Variants in PRKN observed in about 807,000 individuals in gnomAD.
PRKN encodes parkin RBR E3 ubiquitin protein ligase, also known as E3 ubiquitin-protein ligase parkin.
Under a neutral mutation model 59.5 loss-of-function variants are expected in PRKN, and 56 were observed. The ratio of observed to expected loss-of-function variants is 0.94; its 90% CI spans 0.76 to 1.18. The LOEUF is 1.18. PRKN is among the 50% of genes most tolerant of loss of function. The probability of loss-of-function intolerance (pLI) is 0.00; values close to 1 mark genes in which losing one functional copy is unlikely to be tolerated. For synonymous variants in PRKN, 250 were observed against 222.1 expected (o/e 1.13, Z -1.12); for missense variants, 657 against 596.4 (o/e 1.10, Z -1.06).
At chr6:161,744,927 A>G (rs1788351943) in intron 7 of PRKN, among the ~76,000 whole-genome samples, 1 of 152,184 alleles carries the variant, frequency 6.6e-6, no homozygotes, top group Admixed American at 6.5e-5. Context: ...GAAGCACTCA[A>G]TTGTCTTAAA....
intron 1 of PRKN, among the ~76,000 whole-genome samples, chr6:162,707,940 C>G (rs532694969): frequency 9.5e-4 from 145 of 152,308 alleles, no homozygotes; most frequent in African/African-American, 3.4e-3. Context: ...GTCTCACACT[C>G]CTGGCCTCAA....
Position 162,044,312 on chromosome 6 carries a change from T to C in PRKN, c.618+9779A>G, listed in dbSNP as rs1441402443. ...CAGGAACGAACAAACGAAAAGGAAG[T>C]AATGCACCACCTCCTGTTTCTCAGC... is the stretch of plus-strand genomic sequence containing the variant. On this transcript the variant is annotated intron_variant, in intron 5 of 11. Transcript: ENST00000366898. Among the ~76,000 whole-genome samples the C allele has an allele frequency of 2.0e-5, 3 of 152,240 alleles. No homozygotes were observed. In the East Asian group the frequency reaches 5.8e-4, roughly 29 times the overall value.
chr6:161,681,523 T>C (rs1785363228), intron 7 of PRKN, among the ~76,000 whole-genome samples: 1 of 152,108 alleles, frequency 6.6e-6, no homozygotes, highest in Non-Finnish European at 1.5e-5. Context: ...TGGTTACAAG[T>C]AACAATAAAT....
At chr6:162,010,105 CTT>C (rs1285652054) in intron 5 of PRKN, among the ~76,000 whole-genome samples, 15 of 149,494 alleles carry the variant, frequency 1.0e-4, no homozygotes, top group Admixed American at 1.4e-4. Flanking sequence ...AACAATGTCT[CTT>C]GTTTGCCTTT....
chr6:162,237,975 C>T (rs75053241), intron 3 of PRKN, among the ~76,000 whole-genome samples: 1,560 of 152,206 alleles, frequency 0.01, 22 homozygotes, highest in African/African-American at 0.035. Context: ...TGGTAGGTTA[C>T]AAAGAAGCCA....
intron 4 of PRKN, among the ~76,000 whole-genome samples, chr6:162,198,123 T>A (rs2128329097): frequency 6.6e-6 from 1 of 152,134 alleles, no homozygotes; most frequent in African/African-American, 2.4e-5. Context: ...CAGAGAAGGG[T>A]CAATGATATG....
At chr6:162,091,347 T>G (rs1171299964) in intron 4 of PRKN, among the ~76,000 whole-genome samples, 1 of 152,180 alleles carries the variant, frequency 6.6e-6, no homozygotes, top group African/African-American at 2.4e-5. Flanking sequence ...AAATACAGTT[T>G]ACTAATAGAG....
At chr6:161,650,540 A>G (rs1227047897) in intron 7 of PRKN, among the ~76,000 whole-genome samples, 1 of 152,132 alleles carries the variant, frequency 6.6e-6, no homozygotes, top group Non-Finnish European at 1.5e-5. Flanking sequence ...AGAGAGAGAG[A>G]AGACAAACAG....
In PRKN at chr6:161,418,029, C is replaced by T. The variant is rs113777089; in HGVS notation, c.1084-31152G>A. On this transcript the variant is annotated intron_variant, in intron 9 of 11. Transcript: ENST00000366898. ...CATGGGGGGCCTGGCAGTATCACAG[C>T]GCAGGGCTCTCAGGCTGCCAGCAGA... is the stretch of plus-strand genomic sequence containing the variant. Among the ~76,000 whole-genome samples, 562 of 152,316 alleles carry T rather than the reference C, an allele frequency of 3.7e-3. 11 individuals carry two copies. Among genetic ancestry groups the T allele is most frequent in the African/African-American group, 0.013 (528 of 41,546 alleles).
At chr6:161,833,585 T>C (rs1049229805) in intron 6 of PRKN, among the ~76,000 whole-genome samples, 2 of 152,162 alleles carry the variant, frequency 1.3e-5, no homozygotes, top group Admixed American at 1.3e-4. Context: ...GAGCTCTCCC[T>C]CACAGCAGCC....
intron 1 of PRKN, among the ~76,000 whole-genome samples, chr6:162,601,763 C>T (rs911160830): frequency 2.0e-5 from 3 of 151,930 alleles, no homozygotes; most frequent in African/African-American, 7.3e-5. Context: ...AGGGTGAATG[C>T]TCAGAAAATA....
At chr6:161,622,305 AT>A (rs1410253066) in intron 7 of PRKN, among the ~76,000 whole-genome samples, 15 of 152,154 alleles carry the variant, frequency 9.9e-5, no homozygotes. Context: ...TTCCCATTCA[AT>A]TCCTGGGCAC....
intron 9 of PRKN, among the ~76,000 whole-genome samples, chr6:161,420,745 A>T (rs1370529338): frequency 2.6e-5 from 4 of 152,072 alleles, no homozygotes; most frequent in Non-Finnish European, 5.9e-5. Flanking sequence ...TCTGGGCTCC[A>T]GTGATTTCCC....
chr6:161,499,221 T>C lies in PRKN; in HGVS notation c.1083+49633A>G, dbSNP rs116612863. On this transcript the variant is annotated intron_variant, in intron 9 of 11. Transcript: ENST00000366898. This position sits in a 1 kb window ranked among gnomAD's most constrained non-coding sequence, Gnocchi z 4.2. ...GGAGATCAACGTAAAAGATGCATCC[T>C]AAACTTCCCTTGCTAAAGTGAAGAA... Among the ~76,000 whole-genome samples, 1,433 of 151,814 alleles carry C rather than the reference T, an allele frequency of 9.4e-3. 28 individuals carry two copies. Among genetic ancestry groups the C allele is most frequent in the African/African-American group, 0.033 (1,357 of 41,388 alleles).
At chr6:162,129,309 T>C (rs1781248379) in intron 4 of PRKN, among the ~76,000 whole-genome samples, 2 of 152,232 alleles carry the variant, frequency 1.3e-5, no homozygotes, top group African/African-American at 2.4e-5. Flanking sequence ...GAAAGTAACA[T>C]GAATACAGCT....
At chr6:161,734,530 C>T (rs892688580) in intron 7 of PRKN, among the ~76,000 whole-genome samples, 1 of 152,094 alleles carries the variant, frequency 6.6e-6, no homozygotes, top group Admixed American at 6.5e-5. Flanking sequence ...GGTACTCAGG[C>T]CTGGACTTGT....
At chr6:161,730,910 A>G (rs867434276) in intron 7 of PRKN, among the ~76,000 whole-genome samples, 9 of 120,382 alleles carry the variant, frequency 7.5e-5, no homozygotes, top group Non-Finnish European at 1.1e-4. Context: ...GCATTCTTTC[A>G]GATATGTTGC....
At chr6:162,057,955 T>C (rs1280117104) in intron 4 of PRKN, among the ~76,000 whole-genome samples, 1 of 152,244 alleles carries the variant, frequency 6.6e-6, no homozygotes, top group East Asian at 1.9e-4. Context: ...TAAATATATA[T>C]GTAATGTACA....
chr6:161,421,328 A>G (rs1788097765), intron 9 of PRKN, among the ~76,000 whole-genome samples: 1 of 152,196 alleles, frequency 6.6e-6, no homozygotes, highest in Non-Finnish European at 1.5e-5. Flanking sequence ...TTTCTAGACA[A>G]TTAATGAGTA....
Sources: gnomAD v4.1 joint callset for allele counts (sites outside exome capture counted in the v4.1 genomes callset) on GRCh38, gnomAD v4.1.1 for gene constraint, Gnocchi (gnomAD v3.1) non-coding constraint, MANE v1.5 for transcripts, NCBI Gene and HGNC (gene_info 2026-07-23, HGNC 2026-07-21) for gene names.